The following ITPKC variants were observed in gnomAD, a reference collection of about 807,000 sequenced individuals.
ITPKC encodes the protein inositol-trisphosphate 3-kinase C.
In ITPKC, 33 loss-of-function variants were observed where a neutral mutation model predicts 67.1. The ratio of observed to expected loss-of-function variants is 0.49; its 90% CI spans 0.37 to 0.66. The LOEUF (loss-of-function observed/expected upper bound fraction) is 0.66, where lower values mean the gene tolerates loss of function less well. Among genes scored for constraint, ITPKC ranks in the 30% least tolerant of loss-of-function variants. The pLI, the probability that ITPKC is intolerant of heterozygous loss-of-function variation, is 0.00. For synonymous variants in ITPKC, 341 were observed against 359.8 expected, an observed-to-expected ratio of 0.95 and a Z score of 0.59; for missense variants, 820 against 892.1, an observed-to-expected ratio of 0.92 and a Z score of 1.03.
intron 2 of ITPKC, 88 bp from the exon 3 acceptor site, chr19:40,729,114 G>A (rs1363477522): frequency 1.1e-5 from 11 of 995,802 alleles, no homozygotes; most frequent in Non-Finnish European, 1.7e-5. Flanking sequence ...AGATAATGGT[G>A]GCCAGGATCT....
chr19:40,729,228 C>A lies in ITPKC; in HGVS notation c.1282C>A (p.Arg428=). 6.2e-7 allele frequency: 1 copy of A among 1,613,946 alleles called. No individual in the cohort carries two copies. The highest frequency in any genetic ancestry group is 1.1e-5 in the South Asian group (1 of 91,034). The change falls in exon 3 of 7, where the codon CGG becomes AGG. Residue 428 remains arginine, a synonymous_variant. Transcript: ENST00000263370. The part of the protein sequence containing the change: ...AGNFQAGEDG[R]ILKRFCQCEQ... ...GAACTTCCAGGCAGGAGAGGATGGT[C>A]GGATTCTGAAACGTTTCTGTCAGTG...
At chr19:40,721,106 A>T (rs1223106191) in intron 1 of ITPKC, among the ~76,000 whole-genome samples, 1 of 151,886 alleles carries the variant, frequency 6.6e-6, no homozygotes, top group African/African-American at 2.4e-5. Flanking sequence ...AGCCCCTACC[A>T]TGTATTTGGT....
Position 40,717,428 on chromosome 19 carries a change from C to A in ITPKC, c.293C>A (p.Ala98Glu). 6.2e-7 allele frequency: 1 copy of A among 1,613,874 alleles called. No homozygotes were observed. The highest frequency in any genetic ancestry group is 1.1e-5 in the South Asian group (1 of 91,082). ...TGGACAGACGGACAGACTGAGCCCG[C>A]GGCAGCTGGCCTTGGAGTAGAGACC... ...EFWTDGQTEP[A>E]AAGLGVETER... Residue 98 changes from alanine (A) to glutamate (E), a missense_variant, in exon 1 of 7, where the codon GCG becomes GAG. By Grantham distance (107) the Ala-to-Glu change is moderately radical (BLOSUM62 -1). Transcript: ENST00000263370.
chr19:40,725,599 G>A lies in ITPKC; in HGVS notation c.1255+160G>A, dbSNP rs539836913. 3.3e-3 allele frequency among the ~76,000 whole-genome samples: 505 copies of A among 152,324 alleles called. 6 individuals carry two copies. Among genetic ancestry groups the A allele is most frequent in the Non-Finnish European group, 3.0e-3 (207 of 68,040 alleles). On this transcript the variant is annotated intron_variant, in intron 2 of 6. Transcript: ENST00000263370. Reference sequence around the variant, plus strand: ...TGCTTAGGCCTGGGCCTGGCCCTTCGTATGTCAGGGCAGAGGGCTATTCCT... The same window carrying A: ...TGCTTAGGCCTGGGCCTGGCCCTTCATATGTCAGGGCAGAGGGCTATTCCT...
rs2082321726 is a variant in ITPKC, at chr19:40,740,494, CTGGG to C, written c.*937_*940del. 1 of 212,148 alleles carries C rather than the reference CTGGG, an allele frequency of 4.7e-6. No individual in the cohort carries two copies. Among genetic ancestry groups the C allele is most frequent in the African/African-American group, 2.3e-5 (1 of 43,224 alleles). 13.1% of individuals were successfully genotyped at this position (212,148 alleles called of 1,614,324 possible). ...TCCCGGGCCCCTGCAGGGAAAAGCG[CTGGG>C]TGTGTGTCAGAGGCGCAGGGTGGGT... is the stretch of plus-strand genomic sequence containing the variant. On this transcript the variant is annotated 3_prime_UTR_variant, in exon 7 of 7. Coordinates refer to ENST00000263370, the MANE Select transcript of ITPKC (RefSeq NM_025194.3).
intron 6 of ITPKC, 138 bp downstream of exon 6, chr19:40,737,907 T>TTGGG (rs2144757018): frequency 1.5e-6 from 1 of 681,558 alleles, no homozygotes; most frequent in Non-Finnish European, 2.6e-6. Context: ...TACCAGCACT[T>TTGGG]TGGGAGGCTG....
chr19:40,737,812 G>T (rs1469933748), intron 6 of ITPKC, 43 bp downstream of exon 6: 4 of 1,519,008 alleles, frequency 2.6e-6, no homozygotes, highest in East Asian at 2.3e-5. Flanking sequence ...GGGTGTCGGG[G>T]TCCAGGTGCA....
intron 1 of ITPKC, among the ~76,000 whole-genome samples, chr19:40,724,499 G>A (rs1010637222): frequency 1.3e-5 from 2 of 152,042 alleles, no homozygotes; most frequent in African/African-American, 4.8e-5. Context: ...TGACTGCCAC[G>A]GTCTCTGTCG....
chr19:40,724,037 T>C (rs1279506451), intron 1 of ITPKC, among the ~76,000 whole-genome samples: 1 of 152,186 alleles, frequency 6.6e-6, no homozygotes, highest in Non-Finnish European at 1.5e-5. Context: ...CCTCCCCCAC[T>C]GGGGAACAAA....
At chr19:40,725,584 T>G in intron 2 of ITPKC, 145 bp downstream of exon 2, 1 of 660,398 alleles carries the variant, frequency 1.5e-6, no homozygotes, top group African/African-American at 1.8e-5. Context: ...TGCTTAGGCC[T>G]GGGCCTGGCC....
intron 1 of ITPKC, 119 bp downstream of exon 1, chr19:40,718,409 G>A (rs2561530): frequency 0.58 from 763,773 of 1,309,614 alleles, 225,359 homozygotes; most frequent in East Asian, 0.77. Context: ...TTTCATCTCC[G>A]GGAACCTCTT....
intron 1 of ITPKC, among the ~76,000 whole-genome samples, chr19:40,724,060 T>C (rs1375428009): frequency 6.6e-6 from 1 of 152,162 alleles, no homozygotes; most frequent in Non-Finnish European, 1.5e-5. Flanking sequence ...TGGCGAGTCA[T>C]AAACTGGCTC....
intron 1 of ITPKC, among the ~76,000 whole-genome samples, chr19:40,722,943 A>T (rs1274196863): frequency 1.3e-5 from 2 of 151,266 alleles, no homozygotes; most frequent in South Asian, 2.1e-4. Flanking sequence ...CGCCTAGCTG[A>T]TTCTTAATTT....
intron 1 of ITPKC, among the ~76,000 whole-genome samples, chr19:40,722,662 C>G (rs2082227737): frequency 6.6e-6 from 1 of 152,174 alleles, no homozygotes; most frequent in South Asian, 2.1e-4. Context: ...GAATGTATTC[C>G]TGTGTGTGTA....
chr19:40,725,204 C>G, intron 1 of ITPKC, 136 bp from the exon 2 acceptor site: 2 of 645,428 alleles, frequency 3.1e-6, no homozygotes, highest in Non-Finnish European at 5.6e-6. Context: ...CCCAACAAGC[C>G]TGGGAACAGT....
At position 40,717,370 on chromosome 19, in the gene ITPKC, GCGCCGGGGACAGAGAGTC is replaced by G; in HGVS notation, c.239_256del (p.Pro80_Pro85del). ...GCCTGAGAGGGCCGGCCTCGGGCCT[GCGCCGGGGACAGAGAGTC>G]CGCAGGCAGAATTCTGGACAGACGG... On this transcript the variant is annotated inframe_deletion, in exon 1 of 7. Transcript: ENST00000263370. 6.2e-7 allele frequency: 1 copy of G among 1,612,682 alleles called. No individual in the cohort carries two copies. Among genetic ancestry groups the G allele is most frequent in the Non-Finnish European group, 8.5e-7 (1 of 1,179,840 alleles).
intron 4 of ITPKC, among the ~76,000 whole-genome samples, chr19:40,736,135 C>CAA (rs561234207): frequency 6.4e-4 from 98 of 152,134 alleles, no homozygotes; most frequent in Middle Eastern, 6.8e-3. Flanking sequence ...ACTAAAAATA[C>CAA]AAAAAATTAG....
At chr19:40,724,535 A>G (rs1016080597) in intron 1 of ITPKC, among the ~76,000 whole-genome samples, 2 of 151,744 alleles carry the variant, frequency 1.3e-5, no homozygotes, top group Non-Finnish European at 2.9e-5. Context: ...TGTCATCACT[A>G]TGTCATCTGC....
At chr19:40,734,837 G>A (rs2082287889) in intron 4 of ITPKC, among the ~76,000 whole-genome samples, 1 of 148,152 alleles carries the variant, frequency 6.7e-6, no homozygotes, top group Admixed American at 6.9e-5. Context: ...CTAGAGTGCA[G>A]TAGTACAGTC....
Sources: allele counts gnomAD v4.1 joint callset (sites outside exome capture counted in the v4.1 genomes callset), GRCh38; gene constraint gnomAD v4.1.1; transcripts MANE v1.5; gene names NCBI Gene and HGNC (gene_info 2026-07-23, HGNC 2026-07-21).